The following CD81 variants were observed in gnomAD, a reference collection of about 807,000 sequenced individuals.
The protein encoded by CD81 is CD81 molecule, also known as CD81 antigen.
Under a neutral mutation model 30.1 loss-of-function variants are expected in CD81, and 10 were observed. The observed-to-expected ratio is 0.33, with a 90% confidence interval of 0.21 to 0.56. The LOEUF is 0.56. Ranked by LOEUF, CD81 falls within the 20% of genes least tolerant of loss-of-function variation. The probability of loss-of-function intolerance (pLI) is 0.89; values close to 1 mark genes in which losing one functional copy is unlikely to be tolerated. For missense variants in CD81, 263 were observed against 308.7 expected (o/e 0.85, Z 1.11); for synonymous variants, 147 against 126.4 (o/e 1.16, Z -1.10).
rs1001166668 is a variant in CD81 at position 2,377,681 on chromosome 11, G to A, written c.66+66G>A. The A allele has an allele frequency of 2.7e-6, 3 of 1,123,948 alleles. No individual in the cohort carries two copies. The highest frequency in any genetic ancestry group is 3.7e-6 in the Non-Finnish European group (3 of 803,832). 69.6% of individuals were successfully genotyped at this position (1,123,948 alleles called of 1,614,324 possible). ...ACACACTCCACGTTGGGCAGGTCCC[G>A]CGGCAGCGTGCTAGGCCCCGCGGGC... On this transcript the variant is annotated intron_variant, in intron 1 of 7. Coordinates refer to ENST00000263645, the MANE Select transcript of CD81 (RefSeq NM_004356.4). The surrounding 1 kb of genome is among the most constrained non-coding windows in gnomAD (Gnocchi z 7.7).
chr11:2,395,535 G>T lies in CD81; in HGVS notation c.459+15G>T. On this transcript the variant is annotated intron_variant, in intron 5 of 7. Coordinates refer to ENST00000263645, the MANE Select transcript of CD81 (RefSeq NM_004356.4). ...TCCACGAGACGGTGCGGCCCCGGGG[G>T]GCGAGGGCGGGGAGCAGGGCCCCGG... 1 of 1,602,918 alleles carries T rather than the reference G, an allele frequency of 6.2e-7. No individual in the cohort carries two copies.
intron 1 of CD81, among the ~76,000 whole-genome samples, chr11:2,380,638 T>G (rs1319449364): frequency 6.6e-6 from 1 of 152,148 alleles, no homozygotes; most frequent in East Asian, 1.9e-4. Context: ...ATCCTGTCCC[T>G]TGGGTGGGTC....
intron 2 of CD81, chr11:2,393,863 C>T (rs1429857317): frequency 1.5e-6 from 1 of 683,496 alleles, no homozygotes; most frequent in Non-Finnish European, 2.7e-6. Flanking sequence ...GTGCCCAGTC[C>T]CCATGTGGCC....
intron 1 of CD81, chr11:2,385,862 AC>A (rs1250108688): frequency 1.2e-5 from 8 of 646,598 alleles, no homozygotes; most frequent in Non-Finnish European, 2.0e-5. Flanking sequence ...ACGTGCTAGA[AC>A]ATTTGTGTAC....
chr11:2,386,518 A>AC, intron 1 of CD81: 2 of 714,570 alleles, frequency 2.8e-6, no homozygotes, highest in Non-Finnish European at 5.2e-6. Flanking sequence ...TCATCCAGAA[A>AC]CCGGCAGTGA....
intron 1 of CD81, among the ~76,000 whole-genome samples, chr11:2,388,728 C>T (rs1219945079): frequency 1.4e-5 from 2 of 144,870 alleles, no homozygotes; most frequent in Admixed American, 6.6e-5. Flanking sequence ...GTTGTGCCCT[C>T]GTGGCCCCCC....
Position 2,394,098 on chromosome 11 carries a change from T to C in CD81, c.185T>C (p.Ile62Thr). The C allele has an allele frequency of 6.2e-7, 1 of 1,612,464 alleles. No individual in the cohort carries two copies. The highest frequency in any genetic ancestry group is 8.5e-7 in the Non-Finnish European group (1 of 1,179,196). The change falls in exon 3 of 8, where the codon ATC (isoleucine) becomes ACC (threonine). Residue 62 changes from isoleucine to threonine, a missense_variant. Around this residue, in one of 3 missense-constraint regions of CD81, gnomAD observed 84 missense variants for 98.2 expected, o/e 0.86. Coordinates refer to ENST00000263645, the MANE Select transcript of CD81 (RefSeq NM_004356.4). ...KPAPNTFYVG[I>T]YILIAVGAVM... ...CTGGTGTCTCTCTCCCCGCAAGGCA[T>C]CTACATCCTCATCGCTGTGGGCGCT...
chr11:2,397,339 A>G lies in CD81; in HGVS notation c.*473A>G, dbSNP rs933199989. The G allele has an allele frequency of 9.1e-6, 2 of 219,574 alleles. No individual in the cohort carries two copies. Among genetic ancestry groups the G allele is most frequent in the Non-Finnish European group, 9.3e-6 (1 of 107,978 alleles). The allele number at this position is 219,574 out of a possible 1,614,324, so 13.6% of individuals were successfully genotyped here. Reference sequence around the variant, plus strand: ...TGTCCTTTCTAACACGTCGCCTTCAACTGTAATCACAACATCCTGACTCCG... The same window carrying G: ...TGTCCTTTCTAACACGTCGCCTTCAGCTGTAATCACAACATCCTGACTCCG... On this transcript the variant is annotated 3_prime_UTR_variant, in exon 8 of 8. Transcript: ENST00000263645.
At chr11:2,390,640 G>C in intron 2 of CD81, 114 bp downstream of exon 2, 1 of 786,338 alleles carries the variant, frequency 1.3e-6, no homozygotes, top group South Asian at 1.4e-5. Context: ...TGGCGTGTCC[G>C]GGCAGGGAGG....
intron 1 of CD81, chr11:2,386,075 G>A (rs1437046935): frequency 1.4e-6 from 1 of 717,384 alleles, no homozygotes; most frequent in South Asian, 1.5e-5. Flanking sequence ...TGGTGTGGTT[G>A]GTCTTTTTCG....
In CD81 at chr11:2,385,284, C is replaced by T. The variant is rs529249620; in HGVS notation, c.67-5128C>T. Among the ~76,000 whole-genome samples, 7 of 152,200 alleles carry T rather than the reference C, an allele frequency of 4.6e-5. No homozygotes were observed. In the East Asian group the frequency reaches 7.7e-4, roughly 17 times the overall value. ...GTAAGTTTTGACAAATTTATACCCC[C>T]GTGAAACCATCACCAACTCCCCAGG... On this transcript the variant is annotated intron_variant, in intron 1 of 7. Transcript: ENST00000263645.
rs958464932 is a variant in CD81 at position 2,378,723 on chromosome 11, A to G, written c.66+1108A>G. Among the ~76,000 whole-genome samples the G allele has an allele frequency of 1.4e-5, 2 of 145,020 alleles. No individual in the cohort carries two copies. Among genetic ancestry groups the G allele is most frequent in the Non-Finnish European group, 3.0e-5 (2 of 65,766 alleles). ...CTGCAAGCCCCTCCCCGTGCCCCCC[A>G]GGCTGTCACCCCCTTCTCGTGGAAG... On this transcript the variant is annotated intron_variant, in intron 1 of 7. Coordinates refer to ENST00000263645, the MANE Select transcript of CD81 (RefSeq NM_004356.4). This position sits in a 1 kb window ranked among gnomAD's most constrained non-coding sequence, Gnocchi z 4.9.
At chr11:2,376,545 G>T (rs1286310109), upstream of CD81, among the ~76,000 whole-genome samples, 1 of 152,186 alleles carries the variant, frequency 6.6e-6, no homozygotes, top group African/African-American at 2.4e-5. Flanking sequence ...ACACCTTCCG[G>T]AAGAGCCACG....
intron 2 of CD81, 78 bp downstream of exon 2, chr11:2,390,604 C>T: frequency 9.8e-7 from 1 of 1,024,902 alleles, no homozygotes; most frequent in Non-Finnish European, 1.5e-6. Flanking sequence ...TGGATGGGGA[C>T]ATGGAGGGTG....
Position 2,377,743 on chromosome 11 carries a change from G to C in CD81, c.66+128G>C. The C allele has an allele frequency of 2.7e-6, 1 of 373,494 alleles. No individual in the cohort carries two copies. The highest frequency in any genetic ancestry group is 4.5e-6 in the Non-Finnish European group (1 of 223,256). 23.1% of individuals were successfully genotyped at this position (373,494 alleles called of 1,614,324 possible). A position where few individuals can be genotyped will look rare whatever the true frequency, so the allele number is the denominator to read the frequency against. Reference sequence around the variant, plus strand: ...CGCGAAGTTGTGGGGCCACCTGTGGGCTCCAGGAGCGGGGTGGGGGGTCGC... The same window carrying C: ...CGCGAAGTTGTGGGGCCACCTGTGGCCTCCAGGAGCGGGGTGGGGGGTCGC... On this transcript the variant is annotated intron_variant, in intron 1 of 7. Transcript: ENST00000263645. The surrounding 1 kb of genome is among the most constrained non-coding windows in gnomAD (Gnocchi z 7.7).
intron 3 of CD81, 81 bp downstream of exon 3, chr11:2,394,273 G>C (rs1292722879): frequency 1.1e-6 from 1 of 927,426 alleles, no homozygotes; most frequent in Non-Finnish European, 1.7e-6. Context: ...GGCAGAGCTG[G>C]TGCTCAGGGC....
chr11:2,387,861 A>G (rs1354740632), intron 1 of CD81, among the ~76,000 whole-genome samples: 1 of 152,142 alleles, frequency 6.6e-6, no homozygotes. Flanking sequence ...AAAGTGTGAA[A>G]ATTGAGTTGA....
chr11:2,386,644 G>T (rs772036656), intron 1 of CD81: 1 of 716,970 alleles, frequency 1.4e-6, no homozygotes, highest in Non-Finnish European at 2.6e-6. Context: ...GCTCAGGTGA[G>T]GCCTCTGCCC....
Position 2,395,514 on chromosome 11 carries a change from C to T in CD81, c.453C>T (p.His151=), listed in dbSNP as rs146021958. 1,957 of 1,612,016 alleles carry T rather than the reference C, an allele frequency of 1.2e-3. 21 individuals are homozygous for T. In the African/African-American group the frequency reaches 0.022, roughly 18 times the overall value. The change falls in exon 5 of 8, where the codon CAC becomes CAT. Residue 151 remains histidine, a synonymous_variant. Coordinates refer to ENST00000263645, the MANE Select transcript of CD81 (RefSeq NM_004356.4). ...NNAKAVVKTF[H]ETLDCCGSST... is the part of the protein sequence containing the mutation. ...CCAAGGCTGTGGTGAAGACCTTCCACGAGACGGTGCGGCCCCGGGGGGCGA... is the reference window on the plus strand; with the variant it reads ...CCAAGGCTGTGGTGAAGACCTTCCATGAGACGGTGCGGCCCCGGGGGGCGA...
Sources: allele counts gnomAD v4.1 joint callset (sites outside exome capture counted in the v4.1 genomes callset), GRCh38; gene constraint gnomAD v4.1.1; regional missense constraint gnomAD v4.1.1; non-coding constraint Gnocchi (gnomAD v3.1); transcripts MANE v1.5; gene names NCBI Gene and HGNC (gene_info 2026-07-23, HGNC 2026-07-21).